ZNF106: variants seen among roughly 807,000 people sequenced by gnomAD.
The protein encoded by ZNF106 is SH3-domain binding protein 3.
In ZNF106, 67 loss-of-function variants were observed where a neutral mutation model predicts 195.1. That is an observed-to-expected ratio of 0.34 (90% CI 0.28 to 0.42). ZNF106 has a LOEUF of 0.42. Ranked by LOEUF, ZNF106 falls within the 10% of genes least tolerant of loss-of-function variation. The pLI is 1.00. For synonymous variants in ZNF106, 784 were observed against 818.6 expected (o/e 0.96, Z 0.72); for missense variants, 2,118 against 2,304.5 (o/e 0.92, Z 1.66).
In ZNF106 at chr15:42,472,254, G is replaced by A. The variant is rs191220185; in HGVS notation, c.36C>T (p.Ile12=). 3.4e-5 allele frequency: 52 copies of A among 1,535,564 alleles called. No individual in the cohort carries two copies. The African/African-American group carries it at 3.4e-4, about 10-fold the overall frequency. ...VRERKCILCH[I]VYSSKKEMDE... ...TTATTACCTTTTTTGAGCTGTACAC[G>A]ATGTGGCATAATATGCATTTTCGTT... The change falls in exon 2 of 22, where the codon ATC becomes ATT. Residue 12 remains isoleucine (I), a synonymous_variant. Coordinates refer to ENST00000564754, the MANE Select transcript of ZNF106 (RefSeq NM_001366845.3).
At chr15:42,486,331 C>T (rs2057016256) in intron 1 of ZNF106, among the ~76,000 whole-genome samples, 1 of 151,796 alleles carries the variant, frequency 6.6e-6, no homozygotes, top group South Asian at 2.1e-4. Context: ...ATGATCATAG[C>T]TCACTGCAGC....
chr15:42,458,409 GAAA>G (rs773941390), intron 3 of ZNF106, among the ~76,000 whole-genome samples: 2 of 110,284 alleles, frequency 1.8e-5, no homozygotes. Context: ...TTCATTCAAG[GAAA>G]AAAAAAAAAA....
chr15:42,437,433 C>A (rs1055832836), intron 12 of ZNF106, 56 bp from the exon 13 acceptor site: 38 of 1,585,314 alleles, frequency 2.4e-5, no homozygotes, highest in South Asian at 6.9e-5. Context: ...AAAAGATACT[C>A]AAAAATCAGA....
intron 2 of ZNF106, 67 bp from the exon 3 acceptor site, chr15:42,466,181 T>G (rs1294762418): frequency 7.8e-7 from 1 of 1,282,266 alleles, no homozygotes; most frequent in Non-Finnish European, 1.0e-6. Context: ...ACTCCTCTGT[T>G]CCTCCTCAAT....
chr15:42,483,062 C>T (rs1426157924), intron 1 of ZNF106, among the ~76,000 whole-genome samples: 1 of 152,140 alleles, frequency 6.6e-6, no homozygotes, highest in Non-Finnish European at 1.5e-5. Flanking sequence ...ATTTTAAGCA[C>T]CCTACATGAC....
intron 3 of ZNF106, among the ~76,000 whole-genome samples, chr15:42,458,525 T>C (rs965526408): frequency 2.0e-5 from 3 of 151,644 alleles, no homozygotes; most frequent in African/African-American, 7.3e-5. Context: ...CTGACCAAAA[T>C]TGTGAAACCC....
intron 14 of ZNF106, among the ~76,000 whole-genome samples, chr15:42,430,220 C>CTT (rs1025991087): frequency 4.3e-4 from 65 of 152,072 alleles, no homozygotes; most frequent in African/African-American, 1.5e-3. Flanking sequence ...ACTGAAAAGC[C>CTT]TTTTAAAAGA....
At chr15:42,476,158 A>G (rs1045475627) in intron 1 of ZNF106, among the ~76,000 whole-genome samples, 6 of 152,196 alleles carry the variant, frequency 3.9e-5, no homozygotes, top group African/African-American at 1.4e-4. Context: ...TTAAAAAATC[A>G]AAATATAACT....
chr15:42,418,073 T>G, intron 20 of ZNF106, 122 bp from the exon 21 acceptor site: 2 of 1,088,768 alleles, frequency 1.8e-6, no homozygotes, highest in South Asian at 4.5e-5. Flanking sequence ...TATTTCAAAT[T>G]TATTCTTGGC....
chr15:42,479,986 G>A (rs770934415), intron 1 of ZNF106, among the ~76,000 whole-genome samples: 2 of 152,118 alleles, frequency 1.3e-5, no homozygotes, highest in Admixed American at 6.6e-5. Flanking sequence ...AAGTAGCTAG[G>A]ACCATGGGCA....
intron 1 of ZNF106, among the ~76,000 whole-genome samples, chr15:42,476,111 T>C (rs1368442863): frequency 1.3e-5 from 2 of 152,224 alleles, no homozygotes; most frequent in African/African-American, 4.8e-5. Flanking sequence ...AGCTCATTTC[T>C]AATCTGCATG....
At chr15:42,439,881 C>T (rs2055437027) in intron 10 of ZNF106, 68 bp from the exon 11 acceptor site, 1 of 1,428,372 alleles carries the variant, frequency 7.0e-7, no homozygotes, top group Non-Finnish European at 9.3e-7. Context: ...CTGACTGAAA[C>T]TCTACCAAAT....
chr15:42,458,363 A>G (rs1318486169), intron 3 of ZNF106, among the ~76,000 whole-genome samples: 2 of 151,420 alleles, frequency 1.3e-5, no homozygotes, highest in Non-Finnish European at 2.9e-5. Context: ...CACTTCATTT[A>G]CTAGAGGACA....
chr15:42,425,471 C>T (rs2054819391), intron 15 of ZNF106: 1 of 155,716 alleles, frequency 6.4e-6, no homozygotes, highest in Admixed American at 6.4e-5. Flanking sequence ...TTTAGAATTA[C>T]CTTCCTAGGT....
At chr15:42,457,588 T>C (rs2056272023) in intron 3 of ZNF106, 2 of 991,112 alleles carry the variant, frequency 2.0e-6, no homozygotes, top group South Asian at 4.3e-5. Context: ...TTTCTTCCAG[T>C]GAAAGTTAAG....
chr15:42,451,522 G>A lies in ZNF106; in HGVS notation c.750C>T (p.Ser250=). The A allele has an allele frequency of 6.2e-7, 1 of 1,614,134 alleles. No individual in the cohort carries two copies. ...TCCAATTATTTGTACTACGTACACT[G>A]GATTTCCAGTTTCCGTTACTGTTGT... ...HMNNSNGNWK[S]SVRSTNNWNY... Residue 250 remains serine, a synonymous_variant, in exon 5 of 22, where the codon TCC becomes TCT. Coordinates refer to ENST00000564754, the MANE Select transcript of ZNF106 (RefSeq NM_001366845.3).
chr15:42,453,596 A>ATTT (rs781562351), intron 4 of ZNF106, among the ~76,000 whole-genome samples: 1 of 139,800 alleles, frequency 7.2e-6, no homozygotes, highest in Non-Finnish European at 1.6e-5. Context: ...TGAGGCAAGT[A>ATTT]TTTTTTTTTT....
Position 42,451,777 on chromosome 15 carries a change from A to C in ZNF106, c.495T>G (p.Thr165=). ...WKWEKDGFNN[T]RKNSFPHSLR... ...AAGAATGTGGAAAGCTGTTTTTCCT[A>C]GTATTATTAAAGCCATCTTTTTCCC... The change falls in exon 5 of 22, where the codon ACT becomes ACG. Residue 165 remains threonine (T), a synonymous_variant. Coordinates refer to ENST00000564754, the MANE Select transcript of ZNF106 (RefSeq NM_001366845.3). 6.2e-7 allele frequency: 1 copy of C among 1,614,156 alleles called. No individual in the cohort carries two copies. Among genetic ancestry groups the C allele is most frequent in the Non-Finnish European group, 8.5e-7 (1 of 1,180,014 alleles).
chr15:42,458,344 A>G (rs562891718), intron 3 of ZNF106, among the ~76,000 whole-genome samples: 22 of 152,096 alleles, frequency 1.4e-4, no homozygotes, highest in Non-Finnish European at 3.2e-4. Context: ...AGAGACCCTC[A>G]AAACTGGGCA....
Sources: allele counts gnomAD v4.1 joint callset (sites outside exome capture counted in the v4.1 genomes callset), GRCh38; gene constraint gnomAD v4.1.1; transcripts MANE v1.5; gene names NCBI Gene and HGNC (gene_info 2026-07-23, HGNC 2026-07-21).